NFIB: variants seen among roughly 807,000 people sequenced by gnomAD.
NFIB encodes nuclear factor 1 B-type.
A neutral mutation model predicts 61.5 loss-of-function variants in NFIB; 11 were observed. The ratio of observed to expected loss-of-function variants is 0.18; its 90% CI spans 0.11 to 0.30. NFIB has a LOEUF of 0.30. Ranked by LOEUF, NFIB falls within the 10% of genes least tolerant of loss-of-function variation. The probability of loss-of-function intolerance (pLI) is 1.00; values close to 1 mark genes in which losing one functional copy is unlikely to be tolerated. For missense variants in NFIB, 471 were observed against 608.9 expected (o/e 0.77, Z 2.38); for synonymous variants, 260 against 216.5 (o/e 1.20, Z -1.76).
intron 2 of NFIB, among the ~76,000 whole-genome samples, chr9:14,259,050 T>C (rs1169165320): frequency 6.6e-6 from 1 of 152,218 alleles, no homozygotes; most frequent in Non-Finnish European, 1.5e-5. Context: ...TTTGTGGTTT[T>C]GCCTTAGGAC....
intron 1 of NFIB, among the ~76,000 whole-genome samples, chr9:14,347,578 G>C (rs2061042669): frequency 9.1e-6 from 1 of 110,324 alleles, no homozygotes; most frequent in African/African-American, 3.5e-5. Context: ...AGCTGGGTGC[G>C]ATTGGGAGAG....
intron 10 of NFIB, among the ~76,000 whole-genome samples, chr9:14,110,700 C>A (rs1283181050): frequency 1.3e-5 from 2 of 151,990 alleles, no homozygotes; most frequent in Non-Finnish European, 2.9e-5. Context: ...TTTCTTTATT[C>A]CTGGATAGTA....
intron 3 of NFIB, among the ~76,000 whole-genome samples, chr9:14,163,602 C>T (rs939693651): frequency 6.6e-6 from 1 of 151,584 alleles, no homozygotes; most frequent in Non-Finnish European, 1.5e-5. Flanking sequence ...CCACATGCAC[C>T]AAAAAATATT....
At chr9:14,390,897 T>C (rs1483190168) in intron 1 of NFIB, among the ~76,000 whole-genome samples, 2 of 152,212 alleles carry the variant, frequency 1.3e-5, no homozygotes, top group Non-Finnish European at 2.9e-5. Flanking sequence ...TCTATTACAG[T>C]AGCCTAAACA....
intron 2 of NFIB, among the ~76,000 whole-genome samples, chr9:14,190,478 A>G (rs1476849542): frequency 6.6e-6 from 1 of 152,224 alleles, no homozygotes; most frequent in African/African-American, 2.4e-5. Context: ...GATGTGGCAG[A>G]TAATAGTATT....
chr9:14,488,164 G>C, the NFIB span, among the ~76,000 whole-genome samples: 9 of 152,132 alleles, frequency 5.9e-5, no homozygotes, highest in Non-Finnish European at 1.2e-4. Flanking sequence ...AGGAGTTTGA[G>C]ACCAAATTGG....
intron 2 of NFIB, among the ~76,000 whole-genome samples, chr9:14,243,622 T>A (rs897795016): frequency 1.3e-5 from 2 of 150,812 alleles, no homozygotes; most frequent in Admixed American, 6.6e-5. Context: ...AAAAAAAAAG[T>A]ACAAAAACAA....
chr9:14,439,711 G>T, the NFIB span, among the ~76,000 whole-genome samples: 154 of 152,244 alleles, frequency 1.0e-3, 2 homozygotes, highest in South Asian at 0.031. Flanking sequence ...GGGTGAGTTG[G>T]ACACCAGATG....
the NFIB span, among the ~76,000 whole-genome samples, chr9:14,463,317 T>G: frequency 6.6e-6 from 1 of 151,280 alleles, no homozygotes; most frequent in South Asian, 2.1e-4. Context: ...AAAAGAAGAG[T>G]TGGATAAATG....
At chr9:14,385,472 A>ACC (rs537431518) in intron 1 of NFIB, among the ~76,000 whole-genome samples, 51 of 152,348 alleles carry the variant, frequency 3.3e-4, no homozygotes, top group African/African-American at 1.1e-3. Flanking sequence ...CACCTGGCAT[A>ACC]CCTACATACA....
the NFIB span, among the ~76,000 whole-genome samples, chr9:14,413,722 GC>G: frequency 1.3e-5 from 2 of 152,158 alleles, no homozygotes; most frequent in Admixed American, 1.3e-4. Flanking sequence ...ACATGGTACA[GC>G]TATTTTTCCA....
chr9:14,113,132 G>A (rs1489648871), intron 9 of NFIB, 51 bp from the exon 10 acceptor site: 29 of 1,496,824 alleles, frequency 1.9e-5, no homozygotes, highest in East Asian at 1.0e-4. Context: ...CTATCAGAAC[G>A]AACACCCTGT....
chr9:14,243,744 C>A (rs1217587168), intron 2 of NFIB, among the ~76,000 whole-genome samples: 1 of 152,068 alleles, frequency 6.6e-6, no homozygotes, highest in African/African-American at 2.4e-5. Flanking sequence ...CTCAGATAGC[C>A]TAAAAGGCAG....
chr9:14,450,696 T>C, the NFIB span, among the ~76,000 whole-genome samples: 1 of 152,142 alleles, frequency 6.6e-6, no homozygotes, highest in Non-Finnish European at 1.5e-5. Context: ...GTCCTCCTGA[T>C]TCCTGGGAAC....
intron 6 of NFIB, among the ~76,000 whole-genome samples, chr9:14,142,307 G>C (rs888889906): frequency 6.6e-6 from 1 of 152,074 alleles, no homozygotes; most frequent in African/African-American, 2.4e-5. Context: ...AAAAACAGGA[G>C]TTCCCTGCAC....
chr9:14,432,372 T>G, the NFIB span, among the ~76,000 whole-genome samples: 1 of 152,210 alleles, frequency 6.6e-6, no homozygotes, highest in Non-Finnish European at 1.5e-5. Context: ...TAGTTCCAAT[T>G]GTTTCTTAAG....
At chr9:14,525,136 C>T in the NFIB span, among the ~76,000 whole-genome samples, 2 of 152,192 alleles carry the variant, frequency 1.3e-5, no homozygotes, top group Admixed American at 1.3e-4. Context: ...CTACAGTTCT[C>T]AGACACAGCT....
chr9:14,474,456 T>C, the NFIB span, among the ~76,000 whole-genome samples: 1 of 152,222 alleles, frequency 6.6e-6, no homozygotes, highest in Non-Finnish European at 1.5e-5. Flanking sequence ...ATACGAATTT[T>C]GGAGGAACAA....
chr9:14,287,000 A>G (rs184328801), intron 2 of NFIB, among the ~76,000 whole-genome samples: 2 of 152,348 alleles, frequency 1.3e-5, no homozygotes, highest in East Asian at 3.9e-4. Context: ...GATCACTGTC[A>G]TCTAAGAACT....
Sources: allele counts gnomAD v4.1 joint callset (sites outside exome capture counted in the v4.1 genomes callset), GRCh38; gene constraint gnomAD v4.1.1; transcripts MANE v1.5; gene names NCBI Gene and HGNC (gene_info 2026-07-23, HGNC 2026-07-21).